The following SLC30A9 variants were observed in gnomAD, a reference collection of about 807,000 sequenced individuals.
SLC30A9 encodes the protein proton-coupled zinc antiporter SLC30A9, mitochondrial.
SLC30A9 carries 58 observed loss-of-function variants against 87.5 expected under a neutral mutation model. The ratio of observed to expected loss-of-function variants is 0.66; its 90% CI spans 0.54 to 0.82. The LOEUF is 0.82. Among genes scored for constraint, SLC30A9 ranks in the 40% least tolerant of loss-of-function variants. The probability of loss-of-function intolerance (pLI) is 0.00; values close to 1 mark genes in which losing one functional copy is unlikely to be tolerated. For missense variants in SLC30A9, 557 were observed against 679.1 expected, an observed-to-expected ratio of 0.82 and a Z score of 2.00; for synonymous variants, 234 against 233.0, an observed-to-expected ratio of 1.00 and a Z score of -0.04.
At chr4:42,026,759 A>G (rs78859716) in intron 6 of SLC30A9, among the ~76,000 whole-genome samples, 119 of 147,558 alleles carry the variant, frequency 8.1e-4, no homozygotes, top group African/African-American at 2.7e-3. Context: ...TTGACAGTGC[A>G]TTGCAATTTA....
chr4:42,075,526 C>A, intron 15 of SLC30A9, 131 bp from the exon 16 acceptor site: 1 of 779,572 alleles, frequency 1.3e-6, no homozygotes, highest in Non-Finnish European at 2.1e-6. Flanking sequence ...ATGGTGAATA[C>A]TCTGAAGCCA....
chr4:42,029,479 G>T, intron 6 of SLC30A9: 1 of 660,058 alleles, frequency 1.5e-6, no homozygotes, highest in Non-Finnish European at 2.8e-6. Flanking sequence ...GACTGAAATT[G>T]CCTTTCATCC....
At chr4:42,071,672 T>C (rs1052535163) in intron 15 of SLC30A9, among the ~76,000 whole-genome samples, 3 of 75,560 alleles carry the variant, frequency 4.0e-5, no homozygotes, top group African/African-American at 8.6e-5. Context: ...CAAAACCCTG[T>C]CTCAAAAAAA....
At chr4:42,076,854 C>T (rs896001168) in intron 16 of SLC30A9, among the ~76,000 whole-genome samples, 52 of 151,326 alleles carry the variant, frequency 3.4e-4, no homozygotes, top group Admixed American at 2.2e-3. Context: ...CCCAGCTACT[C>T]GGCAGGCTGA....
At chr4:41,995,051 A>T (rs1235396549) in intron 1 of SLC30A9, among the ~76,000 whole-genome samples, 1 of 151,970 alleles carries the variant, frequency 6.6e-6, no homozygotes, top group Admixed American at 6.6e-5. Flanking sequence ...TGAGGTCAGG[A>T]GTTCTAGACC....
chr4:41,996,576 A>C (rs1560532665), intron 1 of SLC30A9, among the ~76,000 whole-genome samples: 1 of 151,234 alleles, frequency 6.6e-6, no homozygotes, highest in Non-Finnish European at 1.5e-5. Context: ...CCATCTCTAC[A>C]AAAAAAAATT....
At position 42,076,727 on chromosome 4, in the gene SLC30A9, G is replaced by A. The variant is rs539029020; in HGVS notation, c.1548+941G>A. Reference sequence around the variant, plus strand: ...GTCTGTAATCCCAGCACTTTGGGAGGCCGAGGTGGGCGGATCACGAGGTCA... The same window carrying A: ...GTCTGTAATCCCAGCACTTTGGGAGACCGAGGTGGGCGGATCACGAGGTCA... On this transcript the variant is annotated intron_variant, in intron 16 of 17. Transcript: ENST00000264451. 3.3e-5 allele frequency among the ~76,000 whole-genome samples: 5 copies of A among 152,180 alleles called. No individual in the cohort carries two copies. In the South Asian group the frequency reaches 8.3e-4, roughly 25 times the overall value.
At chr4:42,018,360 T>G in intron 3 of SLC30A9, 190 bp downstream of exon 3, 1 of 1,019,890 alleles carries the variant, frequency 9.8e-7, no homozygotes, top group South Asian at 1.5e-5. Flanking sequence ...AAATTTATTT[T>G]GCATTTTTGT....
intron 15 of SLC30A9, among the ~76,000 whole-genome samples, chr4:42,074,309 G>T (rs112656596): frequency 6.6e-6 from 1 of 152,310 alleles, no homozygotes; most frequent in African/African-American, 2.4e-5. Context: ...GTCTAATGTT[G>T]TAAGAATACT....
intron 9 of SLC30A9, among the ~76,000 whole-genome samples, chr4:42,059,177 A>G (rs933722973): frequency 1.3e-5 from 2 of 152,208 alleles, no homozygotes; most frequent in African/African-American, 4.8e-5. Flanking sequence ...GTCATTATCT[A>G]GAAACTTCAC....
chr4:42,082,269 T>C (rs2153141566), intron 17 of SLC30A9, among the ~76,000 whole-genome samples: 1 of 152,072 alleles, frequency 6.6e-6, no homozygotes, highest in East Asian at 1.9e-4. Flanking sequence ...AAAGCATAAT[T>C]AATCTTAAGT....
At position 41,997,692 on chromosome 4, in the gene SLC30A9, G is replaced by C. The variant is rs1312371537; in HGVS notation, c.110-3924G>C. Among the ~76,000 whole-genome samples, 4 of 152,184 alleles carry C rather than the reference G, an allele frequency of 2.6e-5. No homozygotes were observed. In the East Asian group the frequency reaches 5.8e-4, roughly 22 times the overall value. ...TCTTCTATTAGGGAACATTTGAGTTGTTTGTTTTTTCCTGTGATAAATAAT... is the reference window on the plus strand; with the variant it reads ...TCTTCTATTAGGGAACATTTGAGTTCTTTGTTTTTTCCTGTGATAAATAAT... On this transcript the variant is annotated intron_variant, in intron 1 of 17. Transcript: ENST00000264451.
At position 42,089,360 on chromosome 4, in the gene SLC30A9, A is replaced by C. The variant is rs1342428385; in HGVS notation, c.*3234A>C. The C allele has an allele frequency of 6.6e-6, 1 of 152,232 alleles. No homozygotes were observed. The highest frequency in any genetic ancestry group is 6.5e-5 in the Admixed American group (1 of 15,276). 9.4% of individuals were successfully genotyped at this position (152,232 alleles called of 1,614,324 possible). A position where few individuals can be genotyped will look rare whatever the true frequency, so the allele number is the denominator to read the frequency against. On this transcript the variant is annotated 3_prime_UTR_variant, in exon 18 of 18. Coordinates refer to ENST00000264451, the MANE Select transcript of SLC30A9 (RefSeq NM_006345.4). The stretch of plus-strand genomic sequence containing the variant: ...TAATTCACTGTAAGTAGCAGTCCCC[A>C]AACTATATAAGGTGGCACAGTTTTC...
At chr4:42,056,101 G>A (rs1156552674) in intron 9 of SLC30A9, among the ~76,000 whole-genome samples, 3 of 152,206 alleles carry the variant, frequency 2.0e-5, no homozygotes, top group East Asian at 3.9e-4. Flanking sequence ...AATAAATATG[G>A]TCCATATTCA....
chr4:42,042,330 C>G (rs942991899), intron 8 of SLC30A9, among the ~76,000 whole-genome samples: 3 of 152,178 alleles, frequency 2.0e-5, no homozygotes, highest in East Asian at 1.9e-4. Context: ...TGGCTGCCAG[C>G]ACAGCTGTCT....
At chr4:42,053,779 A>G (rs1264464016) in intron 9 of SLC30A9, among the ~76,000 whole-genome samples, 1 of 151,638 alleles carries the variant, frequency 6.6e-6, no homozygotes, top group Non-Finnish European at 1.5e-5. Flanking sequence ...ATCAACCCAA[A>G]TGTTTATCAG....
At chr4:42,008,152 T>A (rs762904622) in intron 2 of SLC30A9, among the ~76,000 whole-genome samples, 1 of 152,232 alleles carries the variant, frequency 6.6e-6, no homozygotes, top group Non-Finnish European at 1.5e-5. Flanking sequence ...GCAAGCTTGT[T>A]GTTATAGGGC....
chr4:42,039,119 A>G, intron 8 of SLC30A9, 66 bp downstream of exon 8: 1 of 1,162,888 alleles, frequency 8.6e-7, no homozygotes, highest in South Asian at 1.3e-5. Context: ...ATCCTTAAAT[A>G]TGTAAATTTA....
rs770570748 is a variant in SLC30A9, at chr4:42,012,527, C to T, written c.275-5584C>T. Among the ~76,000 whole-genome samples, 12 of 152,008 alleles carry T rather than the reference C, an allele frequency of 7.9e-5. No homozygotes were observed. The South Asian group carries it at 8.3e-4, about 10-fold the overall frequency. ...ATGGAGTACATGAGATGTTGTGATA[C>T]GGGCATGCAATGTGAAATAAGCGCG... On this transcript the variant is annotated intron_variant, in intron 2 of 17. Transcript: ENST00000264451.
Sources: gnomAD v4.1 joint callset for allele counts (sites outside exome capture counted in the v4.1 genomes callset) on GRCh38, gnomAD v4.1.1 for gene constraint, MANE v1.5 for transcripts, NCBI Gene and HGNC (gene_info 2026-07-23, HGNC 2026-07-21) for gene names.